The following SHROOM4 variants were observed in gnomAD, a reference collection of about 807,000 sequenced individuals.
The protein encoded by SHROOM4 is protein Shroom4.
SHROOM4 carries 17 observed loss-of-function variants against 80.3 expected under a neutral mutation model. The ratio of observed to expected loss-of-function variants is 0.21; its 90% CI spans 0.14 to 0.32. SHROOM4 has a LOEUF of 0.32. Ranked by LOEUF, SHROOM4 falls within the 10% of genes least tolerant of loss-of-function variation. The probability of loss-of-function intolerance (pLI) is 1.00; values close to 1 mark genes in which losing one functional copy is unlikely to be tolerated. For missense variants in SHROOM4, 993 were observed against 1,140.3 expected (o/e 0.87, Z 1.86); for synonymous variants, 400 against 437.5 (o/e 0.91, Z 1.07).
At chrX:50,657,418 A>G (rs1266400256) in intron 2 of SHROOM4, among the ~76,000 whole-genome samples, 1 of 110,291 alleles carries the variant, frequency 9.1e-6, no homozygotes, top group African/African-American at 3.3e-5. Flanking sequence ...GTGTTGAGGC[A>G]CATTCCTTCT....
intron 1 of SHROOM4, among the ~76,000 whole-genome samples, chrX:50,757,910 A>C (rs1935071736): frequency 9.0e-6 from 1 of 111,046 alleles, no homozygotes; most frequent in Admixed American, 9.6e-5. Flanking sequence ...TTTTAATAAT[A>C]TTATATCTTC....
At chrX:50,623,468 G>T (rs1930666314) in intron 5 of SHROOM4, among the ~76,000 whole-genome samples, 1 of 111,753 alleles carries the variant, frequency 8.9e-6, no homozygotes, top group Admixed American at 9.5e-5. Flanking sequence ...GATTACAGGT[G>T]TGAGCCACCG....
At chrX:50,705,782 C>G (rs1229772064) in intron 1 of SHROOM4, among the ~76,000 whole-genome samples, 2 of 110,541 alleles carry the variant, frequency 1.8e-5, no homozygotes, top group Non-Finnish European at 3.8e-5. Flanking sequence ...CTTCTGCCCC[C>G]CTACTCCACA....
At chrX:50,716,767 G>T (rs941275710) in intron 1 of SHROOM4, among the ~76,000 whole-genome samples, 3 of 111,887 alleles carry the variant, frequency 2.7e-5, no homozygotes, top group Admixed American at 9.5e-5. Context: ...GAGAAACTTT[G>T]ACACCTATAT....
intron 5 of SHROOM4, among the ~76,000 whole-genome samples, chrX:50,620,820 G>C (rs1189042977): frequency 4.5e-5 from 5 of 111,355 alleles, no homozygotes; most frequent in African/African-American, 1.6e-4. Flanking sequence ...TGTGTAAATT[G>C]CCTGTTCATT....
intron 2 of SHROOM4, among the ~76,000 whole-genome samples, chrX:50,663,081 G>C (rs1932567499): frequency 9.0e-6 from 1 of 111,417 alleles, no homozygotes; most frequent in Non-Finnish European, 1.9e-5. Context: ...ATTTAGATTA[G>C]AAATTTCATT....
intron 2 of SHROOM4, among the ~76,000 whole-genome samples, chrX:50,655,188 C>A (rs782761915): frequency 9.1e-6 from 1 of 109,445 alleles, no homozygotes; most frequent in African/African-American, 3.3e-5. Flanking sequence ...TCCAATTCAC[C>A]ATTGATGGGC....
chrX:50,627,514 C>T, intron 5 of SHROOM4, 100 bp downstream of exon 5: 1 of 741,608 alleles, frequency 1.3e-6, no homozygotes, highest in Non-Finnish European at 2.1e-6. Context: ...GATACCAGGC[C>T]AGTTTCCTCA....
In SHROOM4 at chrX:50,590,041, A is replaced by G. The variant is rs1320655077; in HGVS notation, c.*6654T>C. ...CCCTAATGAATAGTAGTGCTTGAGC[A>G]TCTTTCCCTGTGCTTGCTAGCCAGT... is the stretch of plus-strand genomic sequence containing the variant. On this transcript the variant is annotated 3_prime_UTR_variant, in exon 9 of 9. Transcript: ENST00000376020. Among the ~76,000 whole-genome samples the G allele has an allele frequency of 9.0e-6, 1 of 111,547 alleles. No homozygotes were observed. Among genetic ancestry groups the G allele is most frequent in the Non-Finnish European group, 1.9e-5 (1 of 53,158 alleles).
At chrX:50,805,836 G>A in intron 1 of SHROOM4, among the ~76,000 whole-genome samples, 1 of 111,577 alleles carries the variant, frequency 9.0e-6, no homozygotes, top group Non-Finnish European at 1.9e-5. Context: ...GATAGAGAGA[G>A]ATGCAGTGTG....
chrX:50,806,159 G>T (rs1283629466), intron 1 of SHROOM4, among the ~76,000 whole-genome samples: 1 of 111,737 alleles, frequency 8.9e-6, no homozygotes, highest in Non-Finnish European at 1.9e-5. Flanking sequence ...TGGGGGATGG[G>T]AACTAAAGAC....
intron 1 of SHROOM4, among the ~76,000 whole-genome samples, chrX:50,748,240 A>G (rs1233325103): frequency 8.9e-6 from 1 of 111,866 alleles, no homozygotes; most frequent in African/African-American, 3.3e-5. Context: ...GGTTCAGAGG[A>G]TTGGAAAACT....
chrX:50,618,387 C>A (rs1343106441), intron 5 of SHROOM4, among the ~76,000 whole-genome samples: 2 of 65,355 alleles, frequency 3.1e-5, no homozygotes, highest in Non-Finnish European at 2.7e-5. Flanking sequence ...TTCCTTCCTT[C>A]CTTCCTTCCT....
intron 2 of SHROOM4, among the ~76,000 whole-genome samples, chrX:50,675,103 A>G (rs186279237): frequency 8.9e-6 from 1 of 111,926 alleles, no homozygotes; most frequent in African/African-American, 3.2e-5. Context: ...CAAGGAGGCT[A>G]AATGTATGAG....
chrX:50,688,314 G>T (rs1311855471), intron 2 of SHROOM4, among the ~76,000 whole-genome samples: 1 of 110,970 alleles, frequency 9.0e-6, no homozygotes, highest in Non-Finnish European at 1.9e-5. Context: ...GCAGTATCCA[G>T]CTGAGATATA....
intron 1 of SHROOM4, among the ~76,000 whole-genome samples, chrX:50,768,495 C>T (rs141170192): frequency 0.012 from 1,286 of 111,568 alleles, 22 homozygotes; most frequent in African/African-American, 0.039. Flanking sequence ...GGGCTAAGGG[C>T]GTTAAGTCTG....
intron 1 of SHROOM4, among the ~76,000 whole-genome samples, chrX:50,774,762 T>C (rs1451980201): frequency 1.8e-5 from 2 of 110,391 alleles, no homozygotes; most frequent in Admixed American, 1.9e-4. Flanking sequence ...TCAAATTTGA[T>C]CTGAGCTTCC....
chrX:50,653,758 G>C (rs1304140835), intron 2 of SHROOM4, among the ~76,000 whole-genome samples: 4 of 111,874 alleles, frequency 3.6e-5, no homozygotes, highest in African/African-American at 1.3e-4. Context: ...AGCTTATTGA[G>C]AGTTTTTAGC....
At chrX:50,787,161 G>A (rs1557271138) in intron 1 of SHROOM4, among the ~76,000 whole-genome samples, 1 of 109,793 alleles carries the variant, frequency 9.1e-6, no homozygotes, top group African/African-American at 3.3e-5. Flanking sequence ...TGAGTCAACA[G>A]TGAGCTATGA....
Sources: allele counts gnomAD v4.1 joint callset (sites outside exome capture counted in the v4.1 genomes callset), GRCh38; gene constraint gnomAD v4.1.1; transcripts MANE v1.5; gene names NCBI Gene and HGNC (gene_info 2026-07-23, HGNC 2026-07-21).